NOTCH2: variants seen among roughly 807,000 people sequenced by gnomAD.
NOTCH2 encodes the protein notch receptor 2.
NOTCH2 carries 29 observed loss-of-function variants against 235.8 expected under a neutral mutation model. The observed-to-expected ratio is 0.12, with a 90% confidence interval of 0.09 to 0.17. The LOEUF (loss-of-function observed/expected upper bound fraction) is 0.17, where lower values mean the gene tolerates loss of function less well. Ranked by LOEUF, NOTCH2 falls within the 10% of genes least tolerant of loss-of-function variation. The probability of loss-of-function intolerance (pLI) is 1.00; values close to 1 mark genes in which losing one functional copy is unlikely to be tolerated. For missense variants in NOTCH2, 2,285 were observed against 3,150.2 expected, an observed-to-expected ratio of 0.73 and a Z score of 6.57; for synonymous variants, 1,086 against 1,141.5, an observed-to-expected ratio of 0.95 and a Z score of 0.98.
intron 5 of NOTCH2, among the ~76,000 whole-genome samples, chr1:119,975,079 T>C (rs17258606): frequency 0.025 from 3,779 of 152,234 alleles, 82 homozygotes; most frequent in South Asian, 0.11. Flanking sequence ...TAATTAGAAG[T>C]GAAAATAGCT....
intron 5 of NOTCH2, among the ~76,000 whole-genome samples, chr1:119,982,061 T>C (rs1553201718): frequency 3.3e-5 from 5 of 152,054 alleles, no homozygotes; most frequent in Non-Finnish European, 5.9e-5. Context: ...AGCACCATCA[T>C]GAAAATCTCC....
chr1:119,915,937 G>T lies in NOTCH2; in HGVS notation c.6785C>A (p.Thr2262Asn). ...DWMNRMEVNE[T>N]QYNEMFGMVL... ...CATACCAAACATCTCATTGTACTGG[G>T]TCTCATTCACCTCCATGCGGTTCAT... Residue 2262 changes from threonine (T) to asparagine (N), a missense_variant, in exon 34 of 34, where the codon ACC (threonine) becomes AAC (asparagine). Coordinates refer to ENST00000256646, the MANE Select transcript of NOTCH2 (RefSeq NM_024408.4). 6.2e-7 allele frequency: 1 copy of T among 1,614,158 alleles called. No homozygotes were observed. Among genetic ancestry groups the T allele is most frequent in the Non-Finnish European group, 8.5e-7 (1 of 1,180,026 alleles).
intron 14 of NOTCH2, among the ~76,000 whole-genome samples, chr1:119,951,051 A>G (rs1650451677): frequency 6.6e-6 from 1 of 152,252 alleles, no homozygotes; most frequent in Non-Finnish European, 1.5e-5. Context: ...ATGGAAAAAC[A>G]GTCTATTCTA....
At chr1:120,022,632 GC>G (rs1221923051) in intron 2 of NOTCH2, among the ~76,000 whole-genome samples, 27 of 66,346 alleles carry the variant, frequency 4.1e-4, no homozygotes, top group Non-Finnish European at 8.0e-4. Context: ...ACCAAACCTG[GC>G]CCATGTACAC....
chr1:119,938,218 T>C (rs1359081777), intron 19 of NOTCH2, among the ~76,000 whole-genome samples: 7 of 152,180 alleles, frequency 4.6e-5, no homozygotes, highest in African/African-American at 7.2e-5. Flanking sequence ...TCACTTAATG[T>C]CATCATTAGG....
intron 15 of NOTCH2, among the ~76,000 whole-genome samples, chr1:119,949,589 T>C (rs1210535438): frequency 2.0e-5 from 3 of 152,072 alleles, no homozygotes; most frequent in Non-Finnish European, 2.9e-5. Context: ...GGTTTCACCA[T>C]GTTAGCCAGG....
At chr1:119,996,247 C>A (rs1304454058) in intron 4 of NOTCH2, 5 of 189,306 alleles carry the variant, frequency 2.6e-5, no homozygotes, top group African/African-American at 1.2e-4. Flanking sequence ...GCCCCAAGCT[C>A]CCCGACACTG....
At position 119,940,657 on chromosome 1, in the gene NOTCH2, A is replaced by G; in HGVS notation, c.3081T>C (p.Asn1027=). 1 of 1,614,166 alleles carries G rather than the reference A, an allele frequency of 6.2e-7. No homozygotes were observed. The change falls in exon 19 of 34, where the codon AAT becomes AAC. Residue 1027 remains asparagine, a synonymous_variant. Transcript: ENST00000256646. ...FTGSFCLHEI[N]ECSSHPCLNE... ...TCAGGCATGGATGAGAGCTGCATTCATTGATCTCATGGAGGCAGAAGGATC... is the reference window on the plus strand; with the variant it reads ...TCAGGCATGGATGAGAGCTGCATTCGTTGATCTCATGGAGGCAGAAGGATC...
In NOTCH2 at chr1:119,919,428, G is replaced by A. The variant is rs750477480; in HGVS notation, c.5665C>T (p.Arg1889Trp). The change falls in exon 31 of 34, where the codon CGG becomes TGG. Residue 1889 changes from arginine to tryptophan, a missense_variant. Physicochemically the swap from Arg to Trp is moderately radical, Grantham distance 101 (BLOSUM62 -3). Transcript: ENST00000256646. ...MALHLAARYS[R>W]ADAAKRLLDA... is the part of the protein sequence containing the mutation. ...AGGAGACGCTTGGCAGCATCAGCCC[G>A]TGAGTAGCGGGCTGCAAGGTGCAGG... 3.7e-6 allele frequency: 6 copies of A among 1,613,806 alleles called. No homozygotes were observed. The highest frequency in any genetic ancestry group is 5.1e-6 in the Non-Finnish European group (6 of 1,180,028).
chr1:119,914,194 T>C lies in NOTCH2; in HGVS notation c.*1112A>G, dbSNP rs587667294. On this transcript the variant is annotated 3_prime_UTR_variant, in exon 34 of 34. Transcript: ENST00000256646. ...CTCAACAGTTAAGACTAGTTTCATATGCTGGGTGAGTGAGTGAAACAGGCC... is the reference window on the plus strand; with the variant it reads ...CTCAACAGTTAAGACTAGTTTCATACGCTGGGTGAGTGAGTGAAACAGGCC... The C allele has an allele frequency of 3.0e-5, 7 of 233,278 alleles. No homozygotes were observed. The highest frequency in any genetic ancestry group is 5.1e-5 in the Non-Finnish European group (6 of 118,034). 14.5% of individuals were successfully genotyped at this position (233,278 alleles called of 1,614,324 possible).
intron 3 of NOTCH2, among the ~76,000 whole-genome samples, chr1:119,999,773 C>T (rs1429878841): frequency 6.6e-6 from 1 of 151,856 alleles, no homozygotes; most frequent in Non-Finnish European, 1.5e-5. Flanking sequence ...TCCCAGCTAC[C>T]TGGGAGGCTG....
chr1:119,957,829 A>AACAC (rs3222739), intron 12 of NOTCH2, among the ~76,000 whole-genome samples: 13,397 of 116,356 alleles, frequency 0.12, 973 homozygotes, highest in Middle Eastern at 0.18. Flanking sequence ...GCCTTATATA[A>AACAC]ACACACACAC....
intron 2 of NOTCH2, among the ~76,000 whole-genome samples, chr1:120,007,866 GA>G: frequency 7.7e-6 from 1 of 129,784 alleles, no homozygotes; most frequent in Non-Finnish European, 1.6e-5. Context: ...TTAACTCTGA[GA>G]TATATTATTA....
chr1:119,922,540 C>A (rs1383973879), intron 27 of NOTCH2, 94 bp from the exon 28 acceptor site: 1 of 1,601,620 alleles, frequency 6.2e-7, no homozygotes, highest in Non-Finnish European at 8.5e-7. Context: ...TTGACCTCAA[C>A]AGTCCTGAAA....
chr1:119,986,861 G>T, intron 5 of NOTCH2, 99 bp downstream of exon 5: 1 of 1,492,230 alleles, frequency 6.7e-7, no homozygotes, highest in Non-Finnish European at 9.3e-7. Flanking sequence ...TGGTTCCAGA[G>T]CAGGCCTAAG....
chr1:119,937,589 T>C (rs1649905168), intron 20 of NOTCH2, 123 bp from the exon 21 acceptor site: 20 of 959,796 alleles, frequency 2.1e-5, no homozygotes, highest in Admixed American at 6.0e-5. Context: ...AGCCAGTTCT[T>C]CACAACCCTC....
intron 5 of NOTCH2, among the ~76,000 whole-genome samples, chr1:119,979,189 C>T (rs1187136426): frequency 6.6e-6 from 1 of 152,052 alleles, no homozygotes; most frequent in African/African-American, 2.4e-5. Flanking sequence ...TAAAGAAGAA[C>T]CTTAAGAGAG....
In NOTCH2 at chr1:119,921,629, A is replaced by G. The variant is rs587754822; in HGVS notation, c.5310+84T>C. The G allele has an allele frequency of 1.4e-5, 15 of 1,110,540 alleles. No individual in the cohort carries two copies. In the African/African-American group the frequency reaches 1.5e-4, roughly 11 times the overall value. The allele number at this position is 1,110,540 out of a possible 1,614,324, so 68.8% of individuals were successfully genotyped here. A position where few individuals can be genotyped will look rare whatever the true frequency, so the allele number is the denominator to read the frequency against. ...AGACTATCACTCTTTACTCCCATTC[A>G]GGACACTCTGGAGCTAAAGGACAGA... On this transcript the variant is annotated intron_variant, in intron 29 of 33. Transcript: ENST00000256646.
chr1:119,926,824 G>A (rs1649491753), intron 23 of NOTCH2, among the ~76,000 whole-genome samples: 1 of 152,142 alleles, frequency 6.6e-6, no homozygotes, highest in Non-Finnish European at 1.5e-5. Context: ...CCCTTACTCT[G>A]TCTTGCCTAC....
Sources: gnomAD v4.1 joint callset for allele counts (sites outside exome capture counted in the v4.1 genomes callset) on GRCh38, gnomAD v4.1.1 for gene constraint, MANE v1.5 for transcripts, NCBI Gene and HGNC (gene_info 2026-07-23, HGNC 2026-07-21) for gene names.